The following CTNNA2 variants were observed in gnomAD, a reference collection of about 807,000 sequenced individuals.
The protein encoded by CTNNA2 is catenin alpha-2.
CTNNA2 carries 42 observed loss-of-function variants against 101.0 expected under a neutral mutation model. That is an observed-to-expected ratio of 0.42 (90% CI 0.32 to 0.54). The LOEUF (loss-of-function observed/expected upper bound fraction) is 0.54. CTNNA2 is among the 20% of genes least tolerant of loss of function. The pLI is 0.14. For synonymous variants in CTNNA2, 450 were observed against 456.4 expected, an observed-to-expected ratio of 0.99 and a Z score of 0.18; for missense variants, 871 against 1,223.1, an observed-to-expected ratio of 0.71 and a Z score of 4.29.
At chr2:79,835,862 A>T (rs1013640250) in intron 3 of CTNNA2, among the ~76,000 whole-genome samples, 1 of 151,294 alleles carries the variant, frequency 6.6e-6, no homozygotes, top group Non-Finnish European at 1.5e-5. Context: ...CAATCTCTTG[A>T]CCTCGTGATC....
At chr2:79,631,646 A>C (rs190005352) in intron 1 of CTNNA2, among the ~76,000 whole-genome samples, 1 of 152,316 alleles carries the variant, frequency 6.6e-6, no homozygotes, top group African/African-American at 2.4e-5. Flanking sequence ...GGATTGAATA[A>C]ACTGGAATAA....
At chr2:79,986,275 C>A (rs543373241) in intron 7 of CTNNA2, among the ~76,000 whole-genome samples, 77 of 152,226 alleles carry the variant, frequency 5.1e-4, no homozygotes, top group Non-Finnish European at 9.6e-4. Context: ...AACAGACATT[C>A]CCCAGTAGCT....
At chr2:79,788,371 G>T (rs2105236742) in intron 3 of CTNNA2, among the ~76,000 whole-genome samples, 1 of 152,218 alleles carries the variant, frequency 6.6e-6, no homozygotes, top group African/African-American at 2.4e-5. Flanking sequence ...TTTGCAGAGA[G>T]GTAGGAATAT....
At chr2:80,035,171 C>CATAAAGAG (rs1258554142) in intron 7 of CTNNA2, among the ~76,000 whole-genome samples, 2 of 152,052 alleles carry the variant, frequency 1.3e-5, no homozygotes, top group East Asian at 3.9e-4. Context: ...AACAATTCAA[C>CATAAAGAG]ATAAAGAGGA....
At chr2:79,628,401 C>G (rs142712906) in intron 1 of CTNNA2, among the ~76,000 whole-genome samples, 3 of 150,622 alleles carry the variant, frequency 2.0e-5, no homozygotes, top group African/African-American at 7.3e-5. Flanking sequence ...TGCAGTGAAC[C>G]GAGGTAGAGC....
chr2:80,005,840 A>T (rs1208240368), intron 7 of CTNNA2, among the ~76,000 whole-genome samples: 3 of 151,874 alleles, frequency 2.0e-5, no homozygotes, highest in African/African-American at 7.3e-5. Context: ...TTTCAAGCTA[A>T]TTCAGGTGGT....
At chr2:79,626,968 C>T (rs532761693) in intron 1 of CTNNA2, among the ~76,000 whole-genome samples, 4 of 152,170 alleles carry the variant, frequency 2.6e-5, no homozygotes, top group Non-Finnish European at 4.4e-5. Flanking sequence ...TCCTGAGCAT[C>T]GATTGTGACT....
intron 2 of CTNNA2, among the ~76,000 whole-genome samples, chr2:79,715,241 A>G (rs1031181083): frequency 2.0e-5 from 3 of 150,234 alleles, no homozygotes; most frequent in African/African-American, 7.3e-5. Flanking sequence ...CCACAGAGGA[A>G]GAGTTAAGGA....
chr2:79,704,510 C>CTTTTT (rs780311540), intron 2 of CTNNA2, among the ~76,000 whole-genome samples: 9 of 127,568 alleles, frequency 7.1e-5, no homozygotes, highest in South Asian at 2.6e-4. Flanking sequence ...ACTTGTGCTT[C>CTTTTT]TTTTTTTTTT....
intron 7 of CTNNA2, among the ~76,000 whole-genome samples, chr2:79,999,762 T>A (rs1692807830): frequency 6.6e-6 from 1 of 152,152 alleles, no homozygotes; most frequent in Non-Finnish European, 1.5e-5. Context: ...TCAAAGCCCG[T>A]GCTCTGTTAT....
At chr2:80,235,912 A>G (rs1205908386) in intron 7 of CTNNA2, among the ~76,000 whole-genome samples, 1 of 152,204 alleles carries the variant, frequency 6.6e-6, no homozygotes, top group Non-Finnish European at 1.5e-5. Context: ...TCACCCAGGT[A>G]TGAAGCCCAG....
At chr2:79,360,011 A>G (rs1162860847) in intron 3 of CTNNA2, among the ~76,000 whole-genome samples, 2 of 152,198 alleles carry the variant, frequency 1.3e-5, no homozygotes, top group Non-Finnish European at 2.9e-5. Context: ...TTTATTTCTA[A>G]TATGGCCAAT....
chr2:79,598,511 G>A (rs1163266145), intron 1 of CTNNA2, among the ~76,000 whole-genome samples: 1 of 152,208 alleles, frequency 6.6e-6, no homozygotes, highest in East Asian at 1.9e-4. Flanking sequence ...ATTCTAAGAA[G>A]TGTGTAGTGC....
chr2:79,396,834 T>C (rs1678238776), intron 4 of CTNNA2, among the ~76,000 whole-genome samples: 1 of 152,170 alleles, frequency 6.6e-6, no homozygotes. Flanking sequence ...TAACAATCTC[T>C]TTCCTAATCA....
chr2:79,428,609 CAAAA>C (rs923165538), intron 4 of CTNNA2, among the ~76,000 whole-genome samples: 1 of 151,250 alleles, frequency 6.6e-6, no homozygotes, highest in African/African-American at 2.4e-5. Context: ...AACAAAATAA[CAAAA>C]AAAAGAAACA....
intron 2 of CTNNA2, among the ~76,000 whole-genome samples, chr2:79,721,482 GA>G (rs1228833262): frequency 2.0e-5 from 3 of 152,142 alleles, no homozygotes; most frequent in African/African-American, 7.2e-5. Context: ...ATCAACATAT[GA>G]ATTTGGAGAT....
intron 18 of CTNNA2, among the ~76,000 whole-genome samples, chr2:80,635,204 T>G (rs996612052): frequency 1.3e-5 from 2 of 152,104 alleles, no homozygotes; most frequent in African/African-American, 4.8e-5. Flanking sequence ...GTGTTAATGT[T>G]AGTGGTGGAT....
chr2:79,529,737 T>C (rs1258197169), intron 1 of CTNNA2, among the ~76,000 whole-genome samples: 1 of 151,936 alleles, frequency 6.6e-6, no homozygotes, highest in African/African-American at 2.4e-5. Flanking sequence ...CTTTTAGCTT[T>C]TGGTTTGGAT....
intron 3 of CTNNA2, among the ~76,000 whole-genome samples, chr2:79,778,784 A>G (rs944928426): frequency 6.6e-6 from 1 of 152,140 alleles, no homozygotes; most frequent in Non-Finnish European, 1.5e-5. Context: ...CTTAGACAAG[A>G]AGTAGGCAAA....
Sources: gnomAD v4.1 joint callset for allele counts (sites outside exome capture counted in the v4.1 genomes callset) on GRCh38, gnomAD v4.1.1 for gene constraint, MANE v1.5 for transcripts, NCBI Gene and HGNC (gene_info 2026-07-23, HGNC 2026-07-21) for gene names.